Variants in TAFA5 observed in about 807,000 individuals in gnomAD.
TAFA5 encodes TAFA chemokine like family member 5.
In TAFA5, 6 loss-of-function variants were observed where a neutral mutation model predicts 15.3. That is an observed-to-expected ratio of 0.39 (90% CI 0.21 to 0.77). The LOEUF (loss-of-function observed/expected upper bound fraction) is 0.77. TAFA5 is among the 30% of genes least tolerant of loss of function. The probability of loss-of-function intolerance (pLI) is 0.41; values close to 1 mark genes in which losing one functional copy is unlikely to be tolerated. For missense variants in TAFA5, 161 were observed against 193.1 expected (o/e 0.83, Z 0.98); for synonymous variants, 103 against 80.7 (o/e 1.28, Z -1.48).
chr22:48,721,000 A>G (rs1402056808), intron 3 of TAFA5, among the ~76,000 whole-genome samples: 1 of 152,112 alleles, frequency 6.6e-6, no homozygotes, highest in Non-Finnish European at 1.5e-5. Context: ...GAGGAACCCG[A>G]GTGGCCCCCT....
chr22:48,657,318 G>C (rs1927285227), intron 2 of TAFA5, among the ~76,000 whole-genome samples: 1 of 152,092 alleles, frequency 6.6e-6, no homozygotes, highest in South Asian at 2.1e-4. Context: ...CAAACTTCCA[G>C]AACTAACTCT....
intron 3 of TAFA5, among the ~76,000 whole-genome samples, chr22:48,735,380 G>A (rs130216): frequency 0.63 from 96,369 of 152,010 alleles, 31,541 homozygotes; most frequent in Admixed American, 0.7. Context: ...TGTGATAGAC[G>A]CACAGTCCAC....
At chr22:48,561,074 G>T (rs965807579) in intron 1 of TAFA5, among the ~76,000 whole-genome samples, 1 of 152,172 alleles carries the variant, frequency 6.6e-6, no homozygotes, top group Non-Finnish European at 1.5e-5. Context: ...TGGGAGGTGG[G>T]TGGGGACTGT....
intron 2 of TAFA5, among the ~76,000 whole-genome samples, chr22:48,692,637 C>T (rs1315655220): frequency 6.6e-6 from 1 of 152,136 alleles, no homozygotes; most frequent in Non-Finnish European, 1.5e-5. Flanking sequence ...AAATGAATCC[C>T]ATAAATGATG....
At chr22:48,646,463 C>T in intron 1 of TAFA5, 134 bp from the exon 2 acceptor site, 2 of 1,144,416 alleles carry the variant, frequency 1.7e-6, no homozygotes, top group Non-Finnish European at 1.2e-6. Flanking sequence ...TCGGACGCTC[C>T]CTCTGAGTGA....
At chr22:48,686,552 G>A (rs1928359396) in intron 2 of TAFA5, among the ~76,000 whole-genome samples, 1 of 152,200 alleles carries the variant, frequency 6.6e-6, no homozygotes, top group Admixed American at 6.5e-5. Flanking sequence ...CATAATTGCA[G>A]GGGGGCACAG....
intron 2 of TAFA5, among the ~76,000 whole-genome samples, chr22:48,648,217 C>T (rs1040163719): frequency 6.6e-6 from 1 of 150,854 alleles, no homozygotes; most frequent in East Asian, 2.0e-4. Context: ...CCATGCTCAG[C>T]TGGCCCACCC....
At chr22:48,705,688 C>T (rs1251121525) in intron 2 of TAFA5, among the ~76,000 whole-genome samples, 4 of 152,240 alleles carry the variant, frequency 2.6e-5, no homozygotes, top group Admixed American at 1.3e-4. Flanking sequence ...GTTGTCCAAG[C>T]GGTGGCCCTC....
intron 1 of TAFA5, among the ~76,000 whole-genome samples, chr22:48,591,314 G>A (rs543893202): frequency 6.1e-4 from 93 of 152,358 alleles, no homozygotes; most frequent in African/African-American, 1.7e-3. Context: ...AGAAGGGATC[G>A]TGGTTGCCCT....
chr22:48,512,458 A>T (rs1921249423), intron 1 of TAFA5, among the ~76,000 whole-genome samples: 2 of 151,960 alleles, frequency 1.3e-5, no homozygotes, highest in African/African-American at 4.8e-5. Context: ...AATACAAAAA[A>T]TTAGCCGGGT....
intron 1 of TAFA5, among the ~76,000 whole-genome samples, chr22:48,571,712 CATTT>C (rs1445765929): frequency 6.8e-6 from 1 of 146,542 alleles, no homozygotes; most frequent in Non-Finnish European, 1.5e-5. Flanking sequence ...TGAAGATGTG[CATTT>C]ATTTATTTGA....
chr22:48,589,133 C>T lies in TAFA5; in HGVS notation c.113-57464C>T, dbSNP rs976522035. ...CCTGCACAGTGACAACTCCCTGCTC[C>T]TGCCCGCTGGTTGCCTTGGGGACAA... On this transcript the variant is annotated intron_variant, in intron 1 of 3. Coordinates refer to ENST00000402357, the MANE Select transcript of TAFA5 (RefSeq NM_001082967.3). Among the ~76,000 whole-genome samples the T allele has an allele frequency of 2.0e-5, 3 of 152,176 alleles. No individual in the cohort carries two copies. In the South Asian group the frequency reaches 6.2e-4, roughly 32 times the overall value.
At chr22:48,612,224 T>C (rs567742375) in intron 1 of TAFA5, among the ~76,000 whole-genome samples, 14 of 152,132 alleles carry the variant, frequency 9.2e-5, no homozygotes, top group Non-Finnish European at 1.8e-4. Context: ...GTAATCCTTA[T>C]AGAAACAAAG....
At position 48,616,024 on chromosome 22, in the gene TAFA5, A is replaced by G. The variant is rs1460555615; in HGVS notation, c.113-30573A>G. Among the ~76,000 whole-genome samples the G allele has an allele frequency of 5.9e-5, 9 of 152,232 alleles. No individual in the cohort carries two copies. In the East Asian group the frequency reaches 1.5e-3, roughly 26 times the overall value. The stretch of plus-strand genomic sequence containing the variant: ...CTAGAATACAGCCAGGCACGTCCCT[A>G]CTGGTTCTGTGGGGTGCAGGGGTCA... On this transcript the variant is annotated intron_variant, in intron 1 of 3. Coordinates refer to ENST00000402357, the MANE Select transcript of TAFA5 (RefSeq NM_001082967.3).
chr22:48,601,290 A>G (rs143413593), intron 1 of TAFA5, among the ~76,000 whole-genome samples: 131 of 152,258 alleles, frequency 8.6e-4, no homozygotes, highest in Admixed American at 2.1e-3. Context: ...ATACCCTTGT[A>G]TATGACGTGT....
intron 1 of TAFA5, among the ~76,000 whole-genome samples, chr22:48,510,466 T>C (rs1921170694): frequency 6.6e-6 from 1 of 152,260 alleles, no homozygotes; most frequent in African/African-American, 2.4e-5. Context: ...TTCATTGTTT[T>C]GGAAAACAGA....
At chr22:48,547,124 T>C (rs1922702441) in intron 1 of TAFA5, 2 of 152,448 alleles carry the variant, frequency 1.3e-5, no homozygotes, top group African/African-American at 2.4e-5. Context: ...ATAGAAATGA[T>C]CAAAACGTCT....
At chr22:48,507,666 C>T (rs768026490) in intron 1 of TAFA5, among the ~76,000 whole-genome samples, 17 of 152,092 alleles carry the variant, frequency 1.1e-4, no homozygotes, top group Non-Finnish European at 1.2e-4. Context: ...GCTTGGCCTG[C>T]GGAAGAGAGG....
chr22:48,700,489 A>T (rs1348600897), intron 2 of TAFA5, among the ~76,000 whole-genome samples: 1 of 152,102 alleles, frequency 6.6e-6, no homozygotes, highest in Admixed American at 6.5e-5. Context: ...CAGCCCTTTG[A>T]CCAAAGCCAG....
Sources: gnomAD v4.1 joint callset for allele counts (sites outside exome capture counted in the v4.1 genomes callset) on GRCh38, gnomAD v4.1.1 for gene constraint, MANE v1.5 for transcripts, NCBI Gene and HGNC (gene_info 2026-07-23, HGNC 2026-07-21) for gene names.